The following PDE1C variants were observed in gnomAD, a reference collection of about 807,000 sequenced individuals.
PDE1C encodes the protein phosphodiesterase 1C.
Under a neutral mutation model 93.1 loss-of-function variants are expected in PDE1C, and 62 were observed. The ratio of observed to expected loss-of-function variants is 0.67; its 90% confidence interval spans 0.54 to 0.82. The LOEUF (loss-of-function observed/expected upper bound fraction) is 0.82. Among genes scored for constraint, PDE1C ranks in the 40% least tolerant of loss-of-function variants. The pLI is 0.00. For synonymous variants in PDE1C, 325 were observed against 310.1 expected, an observed-to-expected ratio of 1.05 and a Z score of -0.50; for missense variants, 742 against 884.6, an observed-to-expected ratio of 0.84 and a Z score of 2.04.
chr7:32,083,876 G>A (rs186938002), intron 3 of PDE1C, among the ~76,000 whole-genome samples: 178 of 151,890 alleles, frequency 1.2e-3, no homozygotes, highest in East Asian at 7.0e-3. Flanking sequence ...AGGAAAAACC[G>A]GTACCAGCTG....
At chr7:32,349,376 T>C (rs1440185525) in intron 1 of PDE1C, among the ~76,000 whole-genome samples, 3 of 152,144 alleles carry the variant, frequency 2.0e-5, no homozygotes, top group African/African-American at 7.2e-5. Flanking sequence ...ACATAGATTA[T>C]GATGGGAGAA....
At chr7:31,911,131 A>T (rs1801193251) in intron 2 of PDE1C, among the ~76,000 whole-genome samples, 1 of 152,208 alleles carries the variant, frequency 6.6e-6, no homozygotes, top group Non-Finnish European at 1.5e-5. Context: ...TAGTGTTTTA[A>T]CAACAATCAC....
intron 3 of PDE1C, among the ~76,000 whole-genome samples, chr7:32,128,046 T>C (rs546543838): frequency 3.9e-5 from 6 of 152,002 alleles, no homozygotes; most frequent in Non-Finnish European, 7.4e-5. Context: ...TGGATTAGAA[T>C]TGAAGAAAGG....
At chr7:32,360,420 T>C (rs1227807632) in intron 1 of PDE1C, among the ~76,000 whole-genome samples, 2 of 152,240 alleles carry the variant, frequency 1.3e-5, no homozygotes, top group African/African-American at 4.8e-5. Flanking sequence ...TTTTTCCTCC[T>C]TTGCCTCAAG....
chr7:32,387,691 A>T (rs1376536889), intron 1 of PDE1C, among the ~76,000 whole-genome samples: 1 of 80,390 alleles, frequency 1.2e-5, no homozygotes, highest in South Asian at 4.5e-4. Context: ...GACCCCCCCC[A>T]CCTCCCTCCC....
At chr7:31,787,968 G>A (rs145990824) in intron 16 of PDE1C, 7 of 152,270 alleles carry the variant, frequency 4.6e-5, no homozygotes, top group Middle Eastern at 3.4e-3. Context: ...TTAAAGCTAA[G>A]AGTGAGTTAC....
At chr7:32,425,627 A>T (rs568425769) in intron 1 of PDE1C, among the ~76,000 whole-genome samples, 1 of 152,346 alleles carries the variant, frequency 6.6e-6, no homozygotes, top group African/African-American at 2.4e-5. Context: ...ATGTGTGAAT[A>T]AATTGCAATA....
At chr7:31,691,797 T>TAAAAAAAAAAA in the PDE1C span, among the ~76,000 whole-genome samples, 6 of 86,522 alleles carry the variant, frequency 6.9e-5, no homozygotes, top group South Asian at 4.3e-4. Context: ...ATGTAATGAT[T>TAAAAAAAAAAA]AAAAAAAAAA....
chr7:32,158,058 T>G (rs1405605706), intron 3 of PDE1C, among the ~76,000 whole-genome samples: 2 of 152,176 alleles, frequency 1.3e-5, no homozygotes, highest in Non-Finnish European at 2.9e-5. Context: ...TGCACAAACA[T>G]GTAATTATAC....
chr7:31,625,423 C>T, the PDE1C span, among the ~76,000 whole-genome samples: 1 of 151,958 alleles, frequency 6.6e-6, no homozygotes, highest in Non-Finnish European at 1.5e-5. Context: ...ACATATACAC[C>T]ATGGAATACT....
chr7:32,092,305 T>A (rs1797516781), intron 3 of PDE1C, among the ~76,000 whole-genome samples: 1 of 152,172 alleles, frequency 6.6e-6, no homozygotes, highest in Non-Finnish European at 1.5e-5. Context: ...CCTCCCTTCA[T>A]GTCGGAGGCT....
chr7:32,108,898 G>C (rs1798493631), intron 3 of PDE1C, among the ~76,000 whole-genome samples: 1 of 152,168 alleles, frequency 6.6e-6, no homozygotes, highest in Admixed American at 6.5e-5. Context: ...AAGCTTCTGT[G>C]CCAATATTCG....
At chr7:32,415,593 C>T (rs927686206) in intron 1 of PDE1C, among the ~76,000 whole-genome samples, 1 of 152,080 alleles carries the variant, frequency 6.6e-6, no homozygotes, top group African/African-American at 2.4e-5. Context: ...GGAGTGCAGG[C>T]AAGAGTCTGG....
intron 1 of PDE1C, among the ~76,000 whole-genome samples, chr7:32,425,843 AG>A (rs1785517254): frequency 6.6e-6 from 1 of 152,130 alleles, no homozygotes; most frequent in African/African-American, 2.4e-5. Context: ...CAGGAGGCTG[AG>A]GTGGGAGGAT....
chr7:32,141,774 A>G (rs1168507610), intron 3 of PDE1C, among the ~76,000 whole-genome samples: 1 of 151,992 alleles, frequency 6.6e-6, no homozygotes, highest in Non-Finnish European at 1.5e-5. Context: ...TTTGAAGTTT[A>G]GTCAATAGCC....
chr7:32,039,401 T>C (rs1003706917), intron 2 of PDE1C, among the ~76,000 whole-genome samples: 6 of 152,216 alleles, frequency 3.9e-5, no homozygotes, highest in African/African-American at 1.4e-4. Flanking sequence ...CTCACATGCT[T>C]TAATTGCAGT....
chr7:32,324,508 G>T (rs1783365808), intron 1 of PDE1C, among the ~76,000 whole-genome samples: 1 of 152,178 alleles, frequency 6.6e-6, no homozygotes, highest in Admixed American at 6.5e-5. Context: ...CTGTCTGCAT[G>T]GGCATTCCCA....
chr7:31,952,965 A>G (rs897720635), intron 2 of PDE1C, among the ~76,000 whole-genome samples: 2 of 152,168 alleles, frequency 1.3e-5, no homozygotes, highest in South Asian at 4.2e-4. Context: ...ATCTAGAAAC[A>G]TGGATGAGCC....
intron 7 of PDE1C, among the ~76,000 whole-genome samples, chr7:31,859,460 AAT>A (rs1284432313): frequency 1.5e-5 from 2 of 136,204 alleles, no homozygotes; most frequent in Non-Finnish European, 3.3e-5. Flanking sequence ...TAATATAAAT[AAT>A]ATAAAGTTAT....
Sources: allele counts gnomAD v4.1 joint callset (sites outside exome capture counted in the v4.1 genomes callset), GRCh38; gene constraint gnomAD v4.1.1; transcripts MANE v1.5; gene names NCBI Gene and HGNC (gene_info 2026-07-23, HGNC 2026-07-21).